The following CDH12 variants were observed in gnomAD, a reference collection of about 807,000 sequenced individuals.
CDH12 encodes the protein cadherin-12.
In CDH12, 41 loss-of-function variants were observed where a neutral mutation model predicts 74.1. The ratio of observed to expected loss-of-function variants is 0.55; its 90% CI spans 0.43 to 0.72. The LOEUF (loss-of-function observed/expected upper bound fraction) is 0.72, where lower values mean the gene tolerates loss of function less well. Ranked by LOEUF, CDH12 falls within the 30% of genes least tolerant of loss-of-function variation. CDH12 has a pLI of 0.00. For missense variants in CDH12, 945 were observed against 977.2 expected (o/e 0.97, Z 0.44); for synonymous variants, 399 against 355.0 (o/e 1.12, Z -1.39).
At chr5:22,435,930 C>T (rs1312202527) in intron 2 of CDH12, among the ~76,000 whole-genome samples, 1 of 151,690 alleles carries the variant, frequency 6.6e-6, no homozygotes, top group Non-Finnish European at 1.5e-5. Flanking sequence ...CACTGGTTTC[C>T]CCCCACCCAT....
chr5:22,431,224 T>C (rs1744159069), intron 2 of CDH12, among the ~76,000 whole-genome samples: 3 of 152,122 alleles, frequency 2.0e-5, no homozygotes, highest in Admixed American at 2.0e-4. Context: ...GCCACTCAAA[T>C]CACATATGGT....
chr5:21,866,267 T>C (rs1435861354), intron 6 of CDH12, among the ~76,000 whole-genome samples: 2 of 152,182 alleles, frequency 1.3e-5, no homozygotes, highest in African/African-American at 4.8e-5. Context: ...TAAAGATACC[T>C]GAAAATGTGG....
chr5:21,879,255 G>A lies in CDH12; in HGVS notation c.527-24465C>T, dbSNP rs186861218. ...ACTGAAAACAAATTAAAATATATAT[G>A]TCATTACTATTTCATAGGATAACAG... On this transcript the variant is annotated intron_variant, in intron 6 of 14. Coordinates refer to ENST00000382254, the MANE Select transcript of CDH12 (RefSeq NM_004061.5). Among the ~76,000 whole-genome samples, 407 of 151,386 alleles carry A rather than the reference G, an allele frequency of 2.7e-3. 2 individuals carry two copies. Among genetic ancestry groups the A allele is most frequent in the African/African-American group, 9.8e-3 (399 of 40,730 alleles).
At chr5:22,347,195 T>C (rs1480046345) in intron 3 of CDH12, among the ~76,000 whole-genome samples, 1 of 152,178 alleles carries the variant, frequency 6.6e-6, no homozygotes, top group Non-Finnish European at 1.5e-5. Flanking sequence ...TCTGTGAGTG[T>C]GTTGCCAAAG....
At position 22,678,053 on chromosome 5, in the gene CDH12, G is replaced by A. The variant is rs116337060; in HGVS notation, c.-522-172689C>T. Among the ~76,000 whole-genome samples the A allele has an allele frequency of 3.3e-5, 5 of 150,578 alleles. No individual in the cohort carries two copies. The South Asian group carries it at 8.4e-4, about 25-fold the overall frequency. ...TCCTATACCATCCTCATGGGGGGGG[G>A]GGTTAGGATTTTAATGTAAAATTTT... On this transcript the variant is annotated intron_variant, in intron 1 of 14. Coordinates refer to ENST00000382254, the MANE Select transcript of CDH12 (RefSeq NM_004061.5).
intron 7 of CDH12, 27 bp downstream of exon 7, chr5:21,854,644 T>C: frequency 6.4e-7 from 1 of 1,574,360 alleles, no homozygotes; most frequent in Non-Finnish European, 8.7e-7. Flanking sequence ...GGGCTGGTGA[T>C]AATGTTGCCT....
At position 22,158,275 on chromosome 5, in the gene CDH12, G is replaced by A. The variant is rs184021726; in HGVS notation, c.-187+54223C>T. Among the ~76,000 whole-genome samples, 599 of 151,980 alleles carry A rather than the reference G, an allele frequency of 3.9e-3. 25 individuals carry two copies. The East Asian group carries it at 0.097, about 25-fold the overall frequency. ...TTGCAAAGTATTCTGAAATAGTATT[G>A]GTGATAAACACCATTTGGAAAGGAA... is the stretch of plus-strand genomic sequence containing the variant. On this transcript the variant is annotated intron_variant, in intron 4 of 14. Transcript: ENST00000382254.
intron 6 of CDH12, among the ~76,000 whole-genome samples, chr5:21,965,647 A>G (rs1756548427): frequency 6.6e-6 from 1 of 151,726 alleles, no homozygotes; most frequent in African/African-American, 2.4e-5. Flanking sequence ...GAATGAAAAT[A>G]GTGCCAACCT....
chr5:22,816,351 A>G (rs988948378), intron 1 of CDH12, among the ~76,000 whole-genome samples: 1 of 152,154 alleles, frequency 6.6e-6, no homozygotes, highest in Non-Finnish European at 1.5e-5. Flanking sequence ...CGTAAAGCTT[A>G]CAGGTCTATT....
chr5:22,563,392 C>T (rs80189329), intron 1 of CDH12, among the ~76,000 whole-genome samples: 19,495 of 152,018 alleles, frequency 0.13, 2,063 homozygotes, highest in East Asian at 0.36. Flanking sequence ...TGAGAAATGT[C>T]TATGCAGCTT....
chr5:22,645,780 C>T (rs1739404510), intron 1 of CDH12, among the ~76,000 whole-genome samples: 2 of 151,956 alleles, frequency 1.3e-5, no homozygotes, highest in Admixed American at 6.6e-5. Flanking sequence ...GATCAGTCAG[C>T]ATCCATCAAC....
chr5:22,261,762 G>C (rs747283115), intron 3 of CDH12, among the ~76,000 whole-genome samples: 11 of 146,650 alleles, frequency 7.5e-5, no homozygotes, highest in Non-Finnish European at 5.9e-5. Context: ...GGTGTCAAGA[G>C]GATAGCTCTA....
At chr5:22,315,468 T>C (rs1738592805) in intron 3 of CDH12, among the ~76,000 whole-genome samples, 1 of 152,056 alleles carries the variant, frequency 6.6e-6, no homozygotes, top group African/African-American at 2.4e-5. Flanking sequence ...AGATTGGAAG[T>C]GAAGAAACAT....
intron 4 of CDH12, among the ~76,000 whole-genome samples, chr5:22,100,652 GACACACACACACAC>G (rs150777646): frequency 1.9e-4 from 28 of 144,344 alleles, no homozygotes; most frequent in Non-Finnish European, 3.6e-4. Flanking sequence ...CCATACATTA[GACACACACACACAC>G]ACACACACAC....
At chr5:22,434,092 CAAAG>C (rs541094847) in intron 2 of CDH12, among the ~76,000 whole-genome samples, 57 of 152,088 alleles carry the variant, frequency 3.7e-4, no homozygotes, top group Non-Finnish European at 6.0e-4. Context: ...TCAAAAGGAT[CAAAG>C]AAAGAGTGAG....
chr5:22,775,179 A>C (rs1461377387), intron 1 of CDH12, among the ~76,000 whole-genome samples: 1 of 152,070 alleles, frequency 6.6e-6, no homozygotes, highest in Non-Finnish European at 1.5e-5. Context: ...ACGTAAGTGA[A>C]ATTTTGACCT....
At chr5:21,887,590 G>A (rs761406958) in intron 6 of CDH12, among the ~76,000 whole-genome samples, 14 of 152,080 alleles carry the variant, frequency 9.2e-5, no homozygotes, top group Non-Finnish European at 1.3e-4. Context: ...TGGAAAATCA[G>A]CTATCATTTT....
At chr5:22,452,911 A>C (rs1169542939) in intron 2 of CDH12, among the ~76,000 whole-genome samples, 1 of 146,466 alleles carries the variant, frequency 6.8e-6, no homozygotes, top group African/African-American at 2.5e-5. Flanking sequence ...AAAATGAGTT[A>C]AAAGTGGACC....
chr5:22,340,968 AT>A (rs1430556713), intron 3 of CDH12, among the ~76,000 whole-genome samples: 4 of 152,194 alleles, frequency 2.6e-5, no homozygotes, highest in Admixed American at 6.5e-5. Flanking sequence ...TAAATGACAG[AT>A]TTTATGTAAC....
Sources: allele counts gnomAD v4.1 joint callset (sites outside exome capture counted in the v4.1 genomes callset), GRCh38; gene constraint gnomAD v4.1.1; transcripts MANE v1.5; gene names NCBI Gene and HGNC (gene_info 2026-07-23, HGNC 2026-07-21).